The following SGMS1 variants were observed in gnomAD, a reference collection of about 807,000 sequenced individuals.
The protein encoded by SGMS1 is phosphatidylcholine:ceramide cholinephosphotransferase 1.
In SGMS1, 13 loss-of-function variants were observed where a neutral mutation model predicts 46.2. The ratio of observed to expected loss-of-function variants is 0.28; its 90% CI spans 0.18 to 0.45. The LOEUF (loss-of-function observed/expected upper bound fraction) is 0.45, where lower values mean the gene tolerates loss of function less well. Among genes scored for constraint, SGMS1 ranks in the 20% least tolerant of loss-of-function variants. The pLI, the probability that SGMS1 is intolerant of heterozygous loss-of-function variation, is 1.00. For missense variants in SGMS1, 324 were observed against 519.9 expected (o/e 0.62, Z 3.66); for synonymous variants, 203 against 187.8 (o/e 1.08, Z -0.66).
chr10:50,553,819 G>C (rs779897578), intron 2 of SGMS1, among the ~76,000 whole-genome samples: 1 of 152,066 alleles, frequency 6.6e-6, no homozygotes, highest in Non-Finnish European at 1.5e-5. Flanking sequence ...GCCAACAAAG[G>C]CCCATTTGCT....
At chr10:50,592,143 A>T (rs1240515547) in intron 1 of SGMS1, among the ~76,000 whole-genome samples, 1 of 152,034 alleles carries the variant, frequency 6.6e-6, no homozygotes, top group African/African-American at 2.4e-5. Flanking sequence ...GAACACTTAG[A>T]CCCCCAGGAA....
chr10:50,553,082 C>T (rs533611911), intron 2 of SGMS1, among the ~76,000 whole-genome samples: 160 of 152,312 alleles, frequency 1.1e-3, no homozygotes, highest in African/African-American at 3.8e-3. Context: ...TGAAAACAAC[C>T]ACGGTGCCAA....
At chr10:50,515,361 G>A (rs372567254) in intron 3 of SGMS1, among the ~76,000 whole-genome samples, 1 of 152,152 alleles carries the variant, frequency 6.6e-6, no homozygotes, top group African/African-American at 2.4e-5. Context: ...GTTTTGATAC[G>A]ACCAGAATCC....
intron 2 of SGMS1, among the ~76,000 whole-genome samples, chr10:50,565,724 T>G (rs1384163023): frequency 6.6e-6 from 1 of 152,180 alleles, no homozygotes; most frequent in African/African-American, 2.4e-5. Flanking sequence ...AACATAATAG[T>G]GTCCAGGGTC....
At chr10:50,469,551 T>C (rs1837360441) in intron 3 of SGMS1, among the ~76,000 whole-genome samples, 1 of 152,148 alleles carries the variant, frequency 6.6e-6, no homozygotes, top group South Asian at 2.1e-4. Context: ...CAGCAAATCA[T>C]CTAAGGAAAA....
At chr10:50,476,471 C>A (rs1490590676) in intron 3 of SGMS1, among the ~76,000 whole-genome samples, 1 of 152,070 alleles carries the variant, frequency 6.6e-6, no homozygotes, top group East Asian at 1.9e-4. Flanking sequence ...ACAGGAAAGA[C>A]ATGGTAGAAA....
chr10:50,309,815 C>T (rs1405199666), intron 9 of SGMS1, among the ~76,000 whole-genome samples: 1 of 152,168 alleles, frequency 6.6e-6, no homozygotes, highest in African/African-American at 2.4e-5. Context: ...ACCCAGTCCA[C>T]TACCTGTTTT....
At chr10:50,505,149 GAGGC>G (rs1837696028) in intron 3 of SGMS1, among the ~76,000 whole-genome samples, 1 of 152,232 alleles carries the variant, frequency 6.6e-6, no homozygotes, top group South Asian at 2.1e-4. Flanking sequence ...CTGGGAGGTA[GAGGC>G]TGAAGTGTGC....
chr10:50,571,208 T>C (rs1165020751), intron 2 of SGMS1, among the ~76,000 whole-genome samples: 1 of 152,210 alleles, frequency 6.6e-6, no homozygotes, highest in Non-Finnish European at 1.5e-5. Flanking sequence ...TTAGTGTCCA[T>C]GAAGGAAAAG....
intron 6 of SGMS1, among the ~76,000 whole-genome samples, chr10:50,366,798 T>C (rs1848353753): frequency 6.6e-6 from 1 of 151,764 alleles, no homozygotes; most frequent in African/African-American, 2.4e-5. Flanking sequence ...CCGGAGCCTG[T>C]TGGAGGGTGG....
At chr10:50,509,607 A>G (rs1397009743) in intron 3 of SGMS1, among the ~76,000 whole-genome samples, 1 of 152,180 alleles carries the variant, frequency 6.6e-6, no homozygotes. Context: ...ACTAAACACT[A>G]TCTCCACTAA....
intron 5 of SGMS1, among the ~76,000 whole-genome samples, chr10:50,437,340 G>T (rs1393676748): frequency 1.3e-5 from 2 of 152,216 alleles, no homozygotes; most frequent in Non-Finnish European, 2.9e-5. Flanking sequence ...AAATGAGAGT[G>T]GCAGCAGTAT....
At chr10:50,495,190 A>C (rs1047478778) in intron 3 of SGMS1, among the ~76,000 whole-genome samples, 6 of 144,718 alleles carry the variant, frequency 4.1e-5, no homozygotes, top group Non-Finnish European at 6.0e-5. Flanking sequence ...GTGAGCTGAG[A>C]TCGCACCACT....
At chr10:50,373,767 C>T (rs1346281677) in intron 6 of SGMS1, among the ~76,000 whole-genome samples, 1 of 152,156 alleles carries the variant, frequency 6.6e-6, no homozygotes, top group African/African-American at 2.4e-5. Context: ...AAATCTAGCA[C>T]CTAGAAATAC....
chr10:50,474,655 A>AT (rs1199257628), intron 3 of SGMS1, among the ~76,000 whole-genome samples: 1 of 152,102 alleles, frequency 6.6e-6, no homozygotes, highest in Admixed American at 6.6e-5. Flanking sequence ...GAATATTAGA[A>AT]TTTTTCATAC....
chr10:50,564,175 A>C (rs1343954657), intron 2 of SGMS1, among the ~76,000 whole-genome samples: 1 of 152,230 alleles, frequency 6.6e-6, no homozygotes, highest in East Asian at 1.9e-4. Flanking sequence ...CACAGGTAGA[A>C]AGGATTTGGC....
At chr10:50,443,390 G>T (rs1225177856) in intron 5 of SGMS1, among the ~76,000 whole-genome samples, 1 of 151,844 alleles carries the variant, frequency 6.6e-6, no homozygotes. Context: ...CAACAAAAAA[G>T]TTTCTAAGTA....
chr10:50,511,083 T>C (rs1446759059), intron 3 of SGMS1, among the ~76,000 whole-genome samples: 1 of 152,172 alleles, frequency 6.6e-6, no homozygotes, highest in Non-Finnish European at 1.5e-5. Flanking sequence ...AAACCACAAT[T>C]GCCAGAGAAG....
At chr10:50,488,069 A>G (rs1837537521) in intron 3 of SGMS1, among the ~76,000 whole-genome samples, 1 of 151,614 alleles carries the variant, frequency 6.6e-6, no homozygotes, top group South Asian at 2.1e-4. Context: ...GCTGGAAAAC[A>G]GTGGTGCGAT....
Sources: allele counts gnomAD v4.1 joint callset (sites outside exome capture counted in the v4.1 genomes callset), GRCh38; gene constraint gnomAD v4.1.1; transcripts MANE v1.5; gene names NCBI Gene and HGNC (gene_info 2026-07-23, HGNC 2026-07-21).